The following ZKSCAN3 variants were observed in gnomAD, a reference collection of about 807,000 sequenced individuals.
ZKSCAN3 encodes zinc finger with KRAB and SCAN domains 3.
In ZKSCAN3, 21 loss-of-function variants were observed where a neutral mutation model predicts 30.7. That is an observed-to-expected ratio of 0.68 (90% CI 0.49 to 0.99). The LOEUF (loss-of-function observed/expected upper bound fraction) is 0.99, where lower values mean the gene tolerates loss of function less well. Among genes scored for constraint, ZKSCAN3 ranks in the 50% least tolerant of loss-of-function variants. The pLI is 0.00. For missense variants in ZKSCAN3, 507 were observed against 647.1 expected, an observed-to-expected ratio of 0.78 and a Z score of 2.35; for synonymous variants, 201 against 246.7, an observed-to-expected ratio of 0.81 and a Z score of 1.73.
intron 5 of ZKSCAN3, among the ~76,000 whole-genome samples, chr6:28,364,923 T>C (rs2113930597): frequency 6.6e-6 from 1 of 152,292 alleles, no homozygotes; most frequent in East Asian, 1.9e-4. Context: ...AGATGGGGTT[T>C]CACCATGTTG....
intron 1 of ZKSCAN3, among the ~76,000 whole-genome samples, chr6:28,358,960 C>T (rs1350325888): frequency 6.6e-6 from 1 of 150,380 alleles, no homozygotes. Flanking sequence ...GGTCAGAAGG[C>T]CAGGCAGGCT....
rs1463959627 is a variant in ZKSCAN3 at position 28,368,347 on chromosome 6, A to G, written c.*2062A>G. 1 of 152,170 alleles carries G rather than the reference A, an allele frequency of 6.6e-6. No homozygotes were observed. Among genetic ancestry groups the G allele is most frequent in the Non-Finnish European group, 1.5e-5 (1 of 68,040 alleles). 9.4% of individuals were successfully genotyped at this position (152,170 alleles called of 1,614,324 possible). A position where few individuals can be genotyped will look rare whatever the true frequency, so the allele number is the denominator to read the frequency against. On this transcript the variant is annotated 3_prime_UTR_variant, in exon 6 of 6. Coordinates refer to ENST00000252211, the MANE Select transcript of ZKSCAN3 (RefSeq NM_024493.4). ...TCTGACTGTCTTGGTCTTCTTATAC[A>G]TTGATTCCCAAATCACGTGTGGTAA...
At chr6:28,361,302 A>G in intron 2 of ZKSCAN3, 22 bp from the exon 3 acceptor site, 1 of 1,608,920 alleles carries the variant, frequency 6.2e-7, no homozygotes, top group Non-Finnish European at 8.5e-7. Flanking sequence ...AAAACATGAA[A>G]ATAAGAACAA....
At chr6:28,356,817 C>A (rs1028503146) in intron 1 of ZKSCAN3, among the ~76,000 whole-genome samples, 1 of 152,274 alleles carries the variant, frequency 6.6e-6, no homozygotes, top group African/African-American at 2.4e-5. Context: ...CACCAGAGCC[C>A]ATCCTTGCAG....
At chr6:28,353,973 ATTTT>A (rs1765242200) in intron 1 of ZKSCAN3, 1 of 454,548 alleles carries the variant, frequency 2.2e-6, no homozygotes, top group Admixed American at 2.3e-5. Flanking sequence ...GTAAAATATG[ATTTT>A]ATTCAGCAGC....
At chr6:28,354,186 T>A in intron 1 of ZKSCAN3, 1 of 346,086 alleles carries the variant, frequency 2.9e-6, no homozygotes, top group South Asian at 2.2e-5. Context: ...AGTTTTTCTC[T>A]CTCTCTCTGG....
chr6:28,362,876 T>C (rs1030814352), intron 3 of ZKSCAN3, among the ~76,000 whole-genome samples: 2 of 152,198 alleles, frequency 1.3e-5, no homozygotes, highest in African/African-American at 4.8e-5. Flanking sequence ...CAAAATCCGA[T>C]TTTTCCTCCT....
At chr6:28,364,517 C>T (rs577875042) in intron 5 of ZKSCAN3, among the ~76,000 whole-genome samples, 28 of 152,268 alleles carry the variant, frequency 1.8e-4, no homozygotes, top group African/African-American at 6.3e-4. Context: ...TGACTATAGA[C>T]CCTGACCTCA....
chr6:28,355,853 CA>C (rs1765386848), intron 1 of ZKSCAN3, among the ~76,000 whole-genome samples: 2 of 152,190 alleles, frequency 1.3e-5, no homozygotes. Flanking sequence ...CCAAGTCCAC[CA>C]CACAGTGGCA....
chr6:28,365,456 T>G lies in ZKSCAN3; in HGVS notation c.788T>G (p.Leu263Trp). The change falls in exon 6 of 6, where the codon TTG becomes TGG. Residue 263 changes from leucine (L) to tryptophan (W), a missense_variant. Coordinates refer to ENST00000252211, the MANE Select transcript of ZKSCAN3 (RefSeq NM_024493.4). Reference sequence around the variant, plus strand: ...GAAAAACAGACTAAGAGCAGGGACTTGCCTCCAGCTGAGGAGCTTCCAGAA... The same window carrying G: ...GAAAAACAGACTAAGAGCAGGGACTGGCCTCCAGCTGAGGAGCTTCCAGAA... ...GDEKQTKSRD[L>W]PPAEELPEKE... 1 of 1,613,286 alleles carries G rather than the reference T, an allele frequency of 6.2e-7. No individual in the cohort carries two copies. Among genetic ancestry groups the G allele is most frequent in the Non-Finnish European group, 8.5e-7 (1 of 1,179,640 alleles).
At chr6:28,350,682 C>T (rs1465948775) in intron 1 of ZKSCAN3, among the ~76,000 whole-genome samples, 3 of 152,148 alleles carry the variant, frequency 2.0e-5, no homozygotes, top group Admixed American at 1.3e-4. Flanking sequence ...ACTATGATGA[C>T]ACATTAGTGA....
chr6:28,359,464 G>GAGAGACATCTCAGA (rs1765638944), intron 1 of ZKSCAN3, 61 bp from the exon 2 acceptor site: 2 of 1,269,590 alleles, frequency 1.6e-6, no homozygotes, highest in Non-Finnish European at 2.2e-6. Context: ...CTGGGCTCCT[G>GAGAGACATCTCAGA]GGCAGGAGAG....
intron 1 of ZKSCAN3, among the ~76,000 whole-genome samples, chr6:28,350,908 G>A (rs1447434664): frequency 6.6e-6 from 1 of 152,140 alleles, no homozygotes; most frequent in East Asian, 1.9e-4. Flanking sequence ...GAGATTAGGA[G>A]GAACAATAGA....
Position 28,361,431 on chromosome 6 carries a change from C to T in ZKSCAN3, c.510C>T (p.Leu170=), listed in dbSNP as rs779712729. The T allele has an allele frequency of 4.3e-6, 7 of 1,613,826 alleles. No homozygotes were observed. The highest frequency in any genetic ancestry group is 4.5e-5 in the East Asian group (2 of 44,878). ...AATTTCAGCTAATGAAGGCTCTGCT[C>T]AAGCATGAATCTGTGGGATCCCAGC... The part of the protein sequence containing the change: ...SSQFQLMKAL[L]KHESVGSQPL... Residue 170 remains leucine, a synonymous_variant, in exon 3 of 6, where the codon CTC becomes CTT. Coordinates refer to ENST00000252211, the MANE Select transcript of ZKSCAN3 (RefSeq NM_024493.4).
chr6:28,364,260 G>T (rs186873554), intron 5 of ZKSCAN3, among the ~76,000 whole-genome samples: 10 of 152,272 alleles, frequency 6.6e-5, no homozygotes, highest in African/African-American at 2.4e-4. Context: ...ACAGGCATGA[G>T]CATGAGCTAC....
chr6:28,362,782 C>CAT (rs1398964411), intron 3 of ZKSCAN3, among the ~76,000 whole-genome samples: 1 of 152,188 alleles, frequency 6.6e-6, no homozygotes, highest in Non-Finnish European at 1.5e-5. Context: ...CTTTGCCTTT[C>CAT]ATAGCCCAGC....
At position 28,363,348 on chromosome 6, in the gene ZKSCAN3, A is replaced by G. The variant is rs760177769; in HGVS notation, c.596A>G (p.Asp199Gly). ...VLAHGGCCRE[D>G]KVVASRLTPE... ...GCCCATGGAGGATGCTGCAGAGAAG[A>G]TAAAGTGGTAGCTTCTAGGCTTACT... Residue 199 changes from aspartate (D) to glycine (G), a missense_variant, in exon 4 of 6, where the codon GAT becomes GGT. Transcript: ENST00000252211. 1 of 1,614,050 alleles carries G rather than the reference A, an allele frequency of 6.2e-7. No homozygotes were observed. The highest frequency in any genetic ancestry group is 8.5e-7 in the Non-Finnish European group (1 of 1,179,984).
intron 2 of ZKSCAN3, 28 bp from the exon 3 acceptor site, chr6:28,361,288 GATGAAAAC>G (rs1169685722): frequency 6.2e-7 from 1 of 1,606,324 alleles, no homozygotes; most frequent in Admixed American, 1.7e-5. Context: ...GGAAGTGTTT[GATGAAAAC>G]ATGAAAATAA....
intron 1 of ZKSCAN3, chr6:28,354,013 G>C (rs1047982915): frequency 4.4e-6 from 2 of 451,490 alleles, no homozygotes; most frequent in Admixed American, 2.4e-5. Context: ...CACACTGTCT[G>C]CCTCTGTCTC....
Sources: allele counts gnomAD v4.1 joint callset (sites outside exome capture counted in the v4.1 genomes callset), GRCh38; gene constraint gnomAD v4.1.1; transcripts MANE v1.5; gene names NCBI Gene and HGNC (gene_info 2026-07-23, HGNC 2026-07-21).